SLC25A18: variants seen among roughly 807,000 people sequenced by gnomAD.
SLC25A18 encodes the protein mitochondrial glutamate carrier 2.
SLC25A18 carries 24 observed loss-of-function variants against 31.1 expected under a neutral mutation model. That is an observed-to-expected ratio of 0.77 (90% CI 0.56 to 1.08). The LOEUF is 1.08. SLC25A18 is among the 50% of genes least tolerant of loss of function. The pLI is 0.00. For missense variants in SLC25A18, 371 were observed against 418.5 expected (o/e 0.89, Z 0.99); for synonymous variants, 173 against 161.9 (o/e 1.07, Z -0.52).
intron 5 of SLC25A18, 142 bp downstream of exon 5, chr22:17,581,555 T>TTCAA: frequency 1.1e-6 from 1 of 895,732 alleles, no homozygotes; most frequent in Admixed American, 2.4e-5. Context: ...TGCTCTTGGG[T>TTCAA]GGAGACAGAG....
intron 9 of SLC25A18, 135 bp from the exon 10 acceptor site, chr22:17,589,455 C>T (rs1008665607): frequency 2.2e-5 from 15 of 671,228 alleles, no homozygotes; most frequent in Admixed American, 1.7e-4. Context: ...GGATTACAGG[C>T]GTGAGCCACT....
Position 17,581,093 on chromosome 22 carries a change from T to C in SLC25A18, c.77T>C (p.Val26Ala). The part of the protein sequence containing the change: ...GVAGLVGVTC[V>A]FPIDLAKTRL... ...GCAGGGCTCGTGGGGGTGACCTGCG[T>C]GTTCCCCATCGACTTGGCCAAGACT... Residue 26 changes from valine to alanine, a missense_variant, in exon 4 of 11, where the codon GTG becomes GCG. Coordinates refer to ENST00000327451, the MANE Select transcript of SLC25A18 (RefSeq NM_031481.3). 6.4e-7 allele frequency: 1 copy of C among 1,572,658 alleles called. No individual in the cohort carries two copies. The highest frequency in any genetic ancestry group is 8.6e-7 in the Non-Finnish European group (1 of 1,158,012).
At chr22:17,588,154 C>CAGTA in intron 9 of SLC25A18, 75 bp downstream of exon 9, 1 of 1,562,216 alleles carries the variant, frequency 6.4e-7, no homozygotes, top group Non-Finnish European at 8.7e-7. Flanking sequence ...CAGCCTGACC[C>CAGTA]TGGAAGCCAT....
chr22:17,590,300 A>G lies in SLC25A18; in HGVS notation c.*64A>G. The G allele has an allele frequency of 1.2e-6, 2 of 1,603,806 alleles. No individual in the cohort carries two copies. The highest frequency in any genetic ancestry group is 1.7e-6 in the Non-Finnish European group (2 of 1,173,766). On this transcript the variant is annotated 3_prime_UTR_variant, in exon 11 of 11. Transcript: ENST00000327451. ...TCTCTAGCTGTTTCACTTAGCCTAGAGGGGGCAAGGGCAGGTGGGGCCACT... is the reference window on the plus strand; with the variant it reads ...TCTCTAGCTGTTTCACTTAGCCTAGGGGGGGCAAGGGCAGGTGGGGCCACT...
chr22:17,587,744 G>T (rs2057592683), intron 8 of SLC25A18, 181 bp from the exon 9 acceptor site: 2 of 686,832 alleles, frequency 2.9e-6, no homozygotes, highest in Non-Finnish European at 4.8e-6. Flanking sequence ...GGAACAGATG[G>T]CAACAGCTCT....
rs1042136347 is a variant in SLC25A18, at chr22:17,584,561, C to T, written c.409+1027C>T. Among the ~76,000 whole-genome samples, 5 of 151,642 alleles carry T rather than the reference C, an allele frequency of 3.3e-5. No homozygotes were observed. In the South Asian group the frequency reaches 6.3e-4, roughly 19 times the overall value. On this transcript the variant is annotated intron_variant, in intron 7 of 10. Coordinates refer to ENST00000327451, the MANE Select transcript of SLC25A18 (RefSeq NM_031481.3). ...TTGGGAGGCCGAGGCAGGCGGATCACCTGAGGTCAGGGGTTCAAGACCAGC... is the reference window on the plus strand; with the variant it reads ...TTGGGAGGCCGAGGCAGGCGGATCATCTGAGGTCAGGGGTTCAAGACCAGC...
chr22:17,581,513 G>A, intron 5 of SLC25A18, 100 bp downstream of exon 5: 3 of 1,349,686 alleles, frequency 2.2e-6, no homozygotes, highest in Admixed American at 1.8e-5. Flanking sequence ...TGGGGCCAGG[G>A]CTGCCAGGGG....
intron 6 of SLC25A18, among the ~76,000 whole-genome samples, chr22:17,583,066 CCT>C (rs891901030): frequency 1.3e-5 from 2 of 152,110 alleles, no homozygotes; most frequent in African/African-American, 4.8e-5. Flanking sequence ...CAGAGCGAGA[CCT>C]CGTCTCAGGA....
chr22:17,584,128 T>C lies in SLC25A18; in HGVS notation c.409+594T>C, dbSNP rs890653212. Reference sequence around the variant, plus strand: ...AGAAATGCCAGCTGGGTGCCGTGGCTCACGCCTGTAATCCCAGCACTTTGG... The same window carrying C: ...AGAAATGCCAGCTGGGTGCCGTGGCCCACGCCTGTAATCCCAGCACTTTGG... On this transcript the variant is annotated intron_variant, in intron 7 of 10. Coordinates refer to ENST00000327451, the MANE Select transcript of SLC25A18 (RefSeq NM_031481.3). The C allele has an allele frequency of 1.2e-5, 12 of 978,316 alleles. No individual in the cohort carries two copies. The African/African-American group carries it at 1.6e-4, about 13-fold the overall frequency. The allele number at this position is 978,316 out of a possible 1,614,324, so 60.6% of individuals were successfully genotyped here. A position where few individuals can be genotyped will look rare whatever the true frequency, so the allele number is the denominator to read the frequency against.
intron 10 of SLC25A18, 136 bp downstream of exon 10, chr22:17,589,801 A>C: frequency 1.2e-6 from 1 of 843,600 alleles, no homozygotes; most frequent in Non-Finnish European, 1.9e-6. Context: ...CTCACCTCTC[A>C]AAGAAAACAG....
rs1205638244 is a variant in SLC25A18, at chr22:17,587,210, A to T, written c.484A>T (p.Arg162Trp). 5 of 1,613,994 alleles carry T rather than the reference A, an allele frequency of 3.1e-6. No homozygotes were observed. The highest frequency in any genetic ancestry group is 1.3e-5 in the African/African-American group (1 of 75,036). The change falls in exon 8 of 11, where the codon AGG becomes TGG. Residue 162 changes from arginine to tryptophan, a missense_variant. Transcript: ENST00000327451. ...SYTTGSASTH[R>W]RPSATLIAWE... ...CACAACTGGTTCGGCTTCCACCCAC[A>T]GGCGCCCCTCTGCCACCCTCATTGC...
At chr22:17,566,919 G>T (rs1296808) in intron 1 of SLC25A18, among the ~76,000 whole-genome samples, 19,432 of 152,244 alleles carry the variant, frequency 0.13, 1,620 homozygotes, top group Non-Finnish European at 0.18. Flanking sequence ...TCAGCACTTT[G>T]ATAGGCTGAG....
intron 2 of SLC25A18, among the ~76,000 whole-genome samples, chr22:17,571,039 A>G (rs2057074271): frequency 6.6e-6 from 1 of 152,068 alleles, no homozygotes; most frequent in South Asian, 2.1e-4. Flanking sequence ...TATGTGCAAG[A>G]CTCGGAAGCA....
At position 17,579,786 on chromosome 22, in the gene SLC25A18, AGGT is replaced by A; in HGVS notation, c.-156_-154del. The A allele has an allele frequency of 7.1e-7, 1 of 1,408,370 alleles. No homozygotes were observed. Among genetic ancestry groups the A allele is most frequent in the East Asian group, 2.6e-5 (1 of 37,738 alleles). The allele number at this position is 1,408,370 out of a possible 1,614,324, so 87.2% of individuals were successfully genotyped here. A position where few individuals can be genotyped will look rare whatever the true frequency, so the allele number is the denominator to read the frequency against. Reference sequence around the variant, plus strand: ...CCAAGGAGGTCGTCACTTGCCGGGAAGGTGGCTCGGGCCAGGCTGCACTCAAAA... The same window carrying A: ...CCAAGGAGGTCGTCACTTGCCGGGAAGGCTCGGGCCAGGCTGCACTCAAAA... On this transcript the variant is annotated 5_prime_UTR_variant, in exon 3 of 11. Transcript: ENST00000327451.
intron 1 of SLC25A18, among the ~76,000 whole-genome samples, chr22:17,569,153 C>T (rs2057023065): frequency 6.6e-6 from 1 of 151,764 alleles, no homozygotes; most frequent in Admixed American, 6.6e-5. Flanking sequence ...GGACTACAGG[C>T]GCCCGCCACC....
At chr22:17,582,714 G>C (rs1037503124) in intron 6 of SLC25A18, 61 bp downstream of exon 6, 3 of 1,440,672 alleles carry the variant, frequency 2.1e-6, no homozygotes, top group Non-Finnish European at 2.9e-6. Context: ...GAGATGGCAG[G>C]AAGAAGATTT....
chr22:17,576,946 G>A lies in SLC25A18; in HGVS notation c.-200-2799G>A, dbSNP rs543455940. Among the ~76,000 whole-genome samples the A allele has an allele frequency of 7.2e-5, 11 of 152,240 alleles. No individual in the cohort carries two copies. The East Asian group carries it at 1.4e-3, about 19-fold the overall frequency. ...GTGATCTTGGCTCACTGCAACCTCCGCCTCCTGGGTTCAAGCGATTCTCCT... is the reference window on the plus strand; with the variant it reads ...GTGATCTTGGCTCACTGCAACCTCCACCTCCTGGGTTCAAGCGATTCTCCT... On this transcript the variant is annotated intron_variant, in intron 2 of 10. Coordinates refer to ENST00000327451, the MANE Select transcript of SLC25A18 (RefSeq NM_031481.3).
chr22:17,573,220 A>G (rs898396133), intron 2 of SLC25A18, among the ~76,000 whole-genome samples: 2 of 152,174 alleles, frequency 1.3e-5, no homozygotes, highest in African/African-American at 2.4e-5. Context: ...CATTCCTGTT[A>G]GCTCATTATT....
chr22:17,582,595 G>A lies in SLC25A18; in HGVS notation c.232G>A (p.Glu78Lys). ...AAVNLTLVTP[E>K]KAIKLAANDF... ...AGTGAACCTCACTCTGGTCACTCCA[G>A]AGAAGGCCATCAAGCTGGCGGCCAA... Residue 78 changes from glutamate to lysine, a missense_variant, in exon 6 of 11, where the codon GAG (glutamate) becomes AAG (lysine). By Grantham distance (56) the Glu-to-Lys change is moderately conservative (BLOSUM62 1). Coordinates refer to ENST00000327451, the MANE Select transcript of SLC25A18 (RefSeq NM_031481.3). The A allele has an allele frequency of 6.2e-7, 1 of 1,604,456 alleles. No individual in the cohort carries two copies. Among genetic ancestry groups the A allele is most frequent in the Non-Finnish European group, 8.5e-7 (1 of 1,175,066 alleles).
Sources: allele counts gnomAD v4.1 joint callset (sites outside exome capture counted in the v4.1 genomes callset), GRCh38; gene constraint gnomAD v4.1.1; transcripts MANE v1.5; gene names NCBI Gene and HGNC (gene_info 2026-07-23, HGNC 2026-07-21).